NOL6: variants seen among roughly 807,000 people sequenced by gnomAD.
NOL6 encodes nucleolar RNA-associated protein.
A neutral mutation model predicts 131.7 loss-of-function variants in NOL6; 33 were observed. That is an observed-to-expected ratio of 0.25 (90% CI 0.19 to 0.33). NOL6 has a LOEUF of 0.33. NOL6 is among the 10% of genes least tolerant of loss of function. The pLI, the probability that NOL6 is intolerant of heterozygous loss-of-function variation, is 1.00. For synonymous variants in NOL6, 580 were observed against 605.7 expected, an observed-to-expected ratio of 0.96 and a Z score of 0.62; for missense variants, 1,297 against 1,494.5, an observed-to-expected ratio of 0.87 and a Z score of 2.18.
At chr9:33,463,000 A>T (rs1484230589) in intron 25 of NOL6, 33 bp downstream of exon 25, 1 of 1,596,258 alleles carries the variant, frequency 6.3e-7, no homozygotes, top group African/African-American at 1.3e-5. Flanking sequence ...ACGTGCACAC[A>T]CTCAGGAACA....
chr9:33,469,486 G>A lies in NOL6; in HGVS notation c.727+13C>T, dbSNP rs186225231. ...TCCCATGCTATGCCCTCAGCCCAAT[G>A]TGTGCCTCTCACCACGCGGCCGCAG... On this transcript the variant is annotated intron_variant, in intron 5 of 25. Transcript: ENST00000297990. The A allele has an allele frequency of 5.3e-5, 84 of 1,599,210 alleles. 1 individual carries two copies. Among genetic ancestry groups the A allele is most frequent in the South Asian group, 1.8e-4 (16 of 88,904 alleles).
intron 3 of NOL6, among the ~76,000 whole-genome samples, chr9:33,471,281 C>T (rs990683740): frequency 3.3e-5 from 5 of 152,190 alleles, no homozygotes; most frequent in South Asian, 4.1e-4. Context: ...AAAACAAAAA[C>T]GTGAACTTTT....
chr9:33,464,434 T>C (rs1338403110), intron 21 of NOL6, among the ~76,000 whole-genome samples: 1 of 152,124 alleles, frequency 6.6e-6, no homozygotes, highest in African/African-American at 2.4e-5. Context: ...GTCTTGCCCC[T>C]GGCCCCCTCC....
rs1191878393 is a variant in NOL6 at position 33,465,868 on chromosome 9, G to A, written c.2394C>T (p.Ala798=). The change falls in exon 19 of 26, where the codon GCC becomes GCT. Residue 798 remains alanine (A), a synonymous_variant. Transcript: ENST00000297990. ...TCAGGATCTGGGGCTCCCGCTGATA[G>A]GCCACGCGAATCCGAAACACAAATC... ...KDGFVFRIRV[A]YQREPQILKE... is the part of the protein sequence containing the mutation. 3.1e-6 allele frequency: 5 copies of A among 1,613,988 alleles called. No homozygotes were observed. Among genetic ancestry groups the A allele is most frequent in the Non-Finnish European group, 2.5e-6 (3 of 1,179,884 alleles).
In NOL6 at chr9:33,461,996, C is replaced by A. The variant is rs776513533; in HGVS notation, c.*668G>T. Reference sequence around the variant, plus strand: ...GTAGCCCCCAGTGCTTTTTGCACCTCTCCAAGATTGGGTGACTACCAGTCC... The same window carrying A: ...GTAGCCCCCAGTGCTTTTTGCACCTATCCAAGATTGGGTGACTACCAGTCC... On this transcript the variant is annotated 3_prime_UTR_variant, in exon 26 of 26. Transcript: ENST00000297990. 62 of 620,426 alleles carry A rather than the reference C, an allele frequency of 1.0e-4. No individual in the cohort carries two copies. The highest frequency in any genetic ancestry group is 1.7e-4 in the Non-Finnish European group (58 of 337,524). 38.4% of individuals were successfully genotyped at this position (620,426 alleles called of 1,614,324 possible).
Position 33,473,772 on chromosome 9 carries a change from C to G in NOL6, c.54+17G>C, listed in dbSNP as rs1488585802. 1.9e-6 allele frequency: 3 copies of G among 1,611,820 alleles called. No homozygotes were observed. The Admixed American group carries it at 5.0e-5, about 27-fold the overall frequency. ...GCGCACATTGAGCCTCTGTTCCTCC[C>G]CGATGGCTCAACCCACCTCTGGCTC... On this transcript the variant is annotated intron_variant, in intron 1 of 25. Transcript: ENST00000297990.
intron 1 of NOL6, among the ~76,000 whole-genome samples, chr9:33,473,575 CAGAGG>C (rs1827472285): frequency 6.6e-6 from 1 of 152,216 alleles, no homozygotes; most frequent in Non-Finnish European, 1.5e-5. Flanking sequence ...CAGAAGAGAG[CAGAGG>C]CTCTACCGGC....
chr9:33,466,803 C>T (rs1187170187), intron 15 of NOL6, 94 bp from the exon 16 acceptor site: 11 of 1,575,516 alleles, frequency 7.0e-6, no homozygotes, highest in Admixed American at 1.7e-5. Flanking sequence ...GAGCCAGCAC[C>T]GCCGCCTGCT....
chr9:33,471,132 C>T (rs747496240), intron 3 of NOL6, among the ~76,000 whole-genome samples: 3 of 152,014 alleles, frequency 2.0e-5, no homozygotes, highest in Admixed American at 6.6e-5. Flanking sequence ...AAAAATTAGC[C>T]GGGTGTGATA....
chr9:33,472,469 C>T, intron 1 of NOL6, 57 bp from the exon 2 acceptor site: 2 of 1,396,368 alleles, frequency 1.4e-6, no homozygotes, highest in East Asian at 2.4e-5. Context: ...CATCTGCTGC[C>T]TAAAGTGCCA....
chr9:33,464,136 A>G lies in NOL6; in HGVS notation c.2805T>C (p.Ser935=). 1 of 1,611,386 alleles carries G rather than the reference A, an allele frequency of 6.2e-7. No homozygotes were observed. The change falls in exon 22 of 26, where the codon AGT becomes AGC. Residue 935 remains serine (S), a synonymous_variant. Coordinates refer to ENST00000297990, the MANE Select transcript of NOL6 (RefSeq NM_022917.5). ...LTVEEQVEIR[S]GFLAARAQLP... ...GCTGTGCCCGAGCTGCCAGGAAGCCACTGCGGATCTCCACCTGCTCCTCCA... is the reference window on the plus strand; with the variant it reads ...GCTGTGCCCGAGCTGCCAGGAAGCCGCTGCGGATCTCCACCTGCTCCTCCA...
rs1475408471 is a variant in NOL6 at position 33,468,879 on chromosome 9, G to T, written c.1027-7C>A. On this transcript the variant is annotated splice_region_variant and splice_polypyrimidine_tract_variant and intron_variant, in intron 7 of 25. Coordinates refer to ENST00000297990, the MANE Select transcript of NOL6 (RefSeq NM_022917.5). ...CAGTAAACCCACCCTGGCCCTGAAA[G>T]AGACAGGGAGAGGCTGAGGTCAGAG... 6.2e-7 allele frequency: 1 copy of T among 1,614,072 alleles called. No homozygotes were observed. Among genetic ancestry groups the T allele is most frequent in the Non-Finnish European group, 8.5e-7 (1 of 1,180,028 alleles).
intron 23 of NOL6, 115 bp from the exon 24 acceptor site, chr9:33,463,556 G>T: frequency 1.1e-6 from 1 of 926,740 alleles, no homozygotes; most frequent in Non-Finnish European, 1.6e-6. Context: ...CCCTCTATGG[G>T]CCCACCTGCC....
rs1451654499 is a variant in NOL6 at position 33,464,148 on chromosome 9, C to G, written c.2793G>C (p.Val931=). The G allele has an allele frequency of 6.2e-7, 1 of 1,609,766 alleles. No individual in the cohort carries two copies. The highest frequency in any genetic ancestry group is 8.5e-7 in the Non-Finnish European group (1 of 1,177,870). ...CTGCCAGGAAGCCACTGCGGATCTC[C>G]ACCTGCTCCTCCACTAGAGACAAGA... ...LNNELTVEEQ[V]EIRSGFLAAR... The change falls in exon 22 of 26, where the codon GTG becomes GTC. Residue 931 remains valine, a synonymous_variant. Coordinates refer to ENST00000297990, the MANE Select transcript of NOL6 (RefSeq NM_022917.5).
chr9:33,466,286 T>A, intron 17 of NOL6, 22 bp downstream of exon 17: 1 of 1,613,564 alleles, frequency 6.2e-7, no homozygotes, highest in Non-Finnish European at 8.5e-7. Context: ...TCCCTCCCAC[T>A]CCCTCCCAAG....
rs73482833 is a variant in NOL6 at position 33,468,428 on chromosome 9, G to C, written c.1207-6C>G. On this transcript the variant is annotated splice_polypyrimidine_tract_variant and splice_region_variant and intron_variant, in intron 9 of 25. Transcript: ENST00000297990. ...TGGAAGTCAGCCAGGGCCGGCTTGGGGGGTGTAGAGAGAAGCAGGTCAGGA... is the reference window on the plus strand; with the variant it reads ...TGGAAGTCAGCCAGGGCCGGCTTGGCGGGTGTAGAGAGAAGCAGGTCAGGA... 9 of 1,613,950 alleles carry C rather than the reference G, an allele frequency of 5.6e-6. 1 individual carries two copies. The highest frequency in any genetic ancestry group is 2.2e-5 in the South Asian group (2 of 91,078).
rs1827335095 is a variant in NOL6 at position 33,469,105 on chromosome 9, A to G, written c.879T>C (p.Pro293=). The G allele has an allele frequency of 6.2e-7, 1 of 1,614,208 alleles. No individual in the cohort carries two copies. Among genetic ancestry groups the G allele is most frequent in the South Asian group, 1.1e-5 (1 of 91,082 alleles). The part of the protein sequence containing the change: ...SPAGDGSPEP[P]TPRYNTWVLQ... ...GGACCCATGTGTTATAGCGGGGGGT[A>G]GGAGGCTCTGGGCTACCTGTGGGAT... The change falls in exon 7 of 26, where the codon CCT becomes CCC. Residue 293 remains proline (P), a synonymous_variant. Coordinates refer to ENST00000297990, the MANE Select transcript of NOL6 (RefSeq NM_022917.5).
rs1302330228 is a variant in NOL6 at position 33,468,633 on chromosome 9, C to T, written c.1148-67G>A. The T allele has an allele frequency of 6.2e-6, 10 of 1,607,544 alleles. No individual in the cohort carries two copies. In the Admixed American group the frequency reaches 1.7e-4, roughly 27 times the overall value. On this transcript the variant is annotated intron_variant, in intron 8 of 25. Coordinates refer to ENST00000297990, the MANE Select transcript of NOL6 (RefSeq NM_022917.5). Reference sequence around the variant, plus strand: ...GGGACCCAGCCCTAATGACACCCTCCCTCAGCCGATTCAGTTTGCTCATCT... The same window carrying T: ...GGGACCCAGCCCTAATGACACCCTCTCTCAGCCGATTCAGTTTGCTCATCT...
At chr9:33,471,976 T>C in intron 3 of NOL6, 28 bp downstream of exon 3, 2 of 1,534,654 alleles carry the variant, frequency 1.3e-6, no homozygotes, top group Non-Finnish European at 1.8e-6. Flanking sequence ...TCTCTTGGGC[T>C]TCCCAGTTCC....
Sources: allele counts gnomAD v4.1 joint callset (sites outside exome capture counted in the v4.1 genomes callset), GRCh38; gene constraint gnomAD v4.1.1; transcripts MANE v1.5; gene names NCBI Gene and HGNC (gene_info 2026-07-23, HGNC 2026-07-21).